Variants in ATXN7 observed in about 807,000 individuals in gnomAD.
ATXN7 encodes ataxin 7.
A neutral mutation model predicts 70.5 loss-of-function variants in ATXN7; 12 were observed. The observed-to-expected ratio is 0.17, with a 90% CI of 0.11 to 0.28. The LOEUF (loss-of-function observed/expected upper bound fraction) is 0.28. ATXN7 is among the 10% of genes least tolerant of loss of function. The pLI is 1.00. For missense variants in ATXN7, 1,256 were observed against 1,131.7 expected (o/e 1.11, Z -1.58); for synonymous variants, 498 against 448.7 (o/e 1.11, Z -1.39).
At chr3:63,990,963 A>G in intron 11 of ATXN7, 104 bp downstream of exon 11, 2 of 1,563,270 alleles carry the variant, frequency 1.3e-6, no homozygotes, top group South Asian at 1.1e-5. Flanking sequence ...TATCTAAACA[A>G]AACTGGCCTT....
chr3:63,919,250 CA>C (rs1232867017), intron 4 of ATXN7, among the ~76,000 whole-genome samples: 1 of 152,196 alleles, frequency 6.6e-6, no homozygotes, highest in East Asian at 1.9e-4. Flanking sequence ...CTGCTTGCTG[CA>C]TACAGTGAAC....
At chr3:63,863,321 A>C (rs1028804662), upstream of ATXN7, 1 of 528,520 alleles carries the variant, frequency 1.9e-6, no homozygotes, top group Non-Finnish European at 2.4e-6. Context: ...CCAGACCTCC[A>C]CAAACCTTCC....
intron 4 of ATXN7, among the ~76,000 whole-genome samples, chr3:63,924,941 TC>T (rs1704658679): frequency 6.6e-6 from 1 of 152,190 alleles, no homozygotes; most frequent in African/African-American, 2.4e-5. Context: ...CTGGGAATGA[TC>T]CAAGAGTAAG....
intron 1 of ATXN7, among the ~76,000 whole-genome samples, chr3:63,888,456 A>G (rs1703153196): frequency 6.6e-6 from 1 of 152,176 alleles, no homozygotes; most frequent in South Asian, 2.1e-4. Context: ...AATCACTACC[A>G]CAATCAAGAT....
At chr3:63,919,303 A>C (rs1158710641) in intron 4 of ATXN7, among the ~76,000 whole-genome samples, 2 of 152,122 alleles carry the variant, frequency 1.3e-5, no homozygotes, top group Admixed American at 1.3e-4. Context: ...ATGACCCACC[A>C]ATCCCAAAAC....
intron 4 of ATXN7, 49 bp downstream of exon 4, chr3:63,913,274 C>A: frequency 6.4e-7 from 1 of 1,559,382 alleles, no homozygotes. Context: ...TGGGAAGTTT[C>A]ATTGACAGTT....
chr3:63,873,200 A>G (rs183702977), intron 1 of ATXN7, among the ~76,000 whole-genome samples: 1 of 152,316 alleles, frequency 6.6e-6, no homozygotes, highest in Admixed American at 6.5e-5. Context: ...CAATTCTTCT[A>G]GACACAGTAT....
intron 4 of ATXN7, among the ~76,000 whole-genome samples, chr3:63,944,089 G>C (rs1002849029): frequency 3.9e-5 from 6 of 152,158 alleles, no homozygotes; most frequent in Non-Finnish European, 5.9e-5. Flanking sequence ...AGCAGTAGGA[G>C]CACAAGACCA....
intron 5 of ATXN7, among the ~76,000 whole-genome samples, chr3:63,968,643 G>A (rs1380902829): frequency 6.6e-6 from 1 of 152,186 alleles, no homozygotes; most frequent in Non-Finnish European, 1.5e-5. Context: ...TAAATTGAGT[G>A]TATAAAAATT....
rs1553691654 is a variant in ATXN7, at chr3:63,962,908, C to CTATTT, written c.499+10426_499+10427insATTTT. 7.3e-5 allele frequency among the ~76,000 whole-genome samples: 10 copies of CTATTT among 136,340 alleles called. 1 individual carries two copies. The highest frequency in any genetic ancestry group is 6.4e-5 in the Non-Finnish European group (4 of 62,920). 89.4% of individuals were successfully genotyped at this position (136,340 alleles called of 152,430 possible). A position where few individuals can be genotyped will look rare whatever the true frequency, so the allele number is the denominator to read the frequency against. On this transcript the variant is annotated intron_variant, in intron 5 of 12. Coordinates refer to ENST00000674280, the MANE Select transcript of ATXN7 (RefSeq NM_001377405.1). ...GATGTAATACCAGAATTTTGTATTT[C>CTATTT]TTTTTTTTTTTTTTTTTTCTTCTTC... is the stretch of plus-strand genomic sequence containing the variant.
intron 4 of ATXN7, among the ~76,000 whole-genome samples, chr3:63,936,943 A>G (rs2074672841): frequency 6.6e-6 from 1 of 152,224 alleles, no homozygotes; most frequent in African/African-American, 2.4e-5. Context: ...ATCATTTTCA[A>G]ATGACCACAA....
At chr3:63,871,579 A>G (rs1702591842) in intron 1 of ATXN7, among the ~76,000 whole-genome samples, 1 of 152,176 alleles carries the variant, frequency 6.6e-6, no homozygotes, top group Non-Finnish European at 1.5e-5. Flanking sequence ...ATACCTATGG[A>G]TAGGGGATTA....
rs572625649 is a variant in ATXN7 at position 63,978,133 on chromosome 3, A to G, written c.500-1782A>G. Among the ~76,000 whole-genome samples the G allele has an allele frequency of 6.6e-5, 10 of 152,312 alleles. 1 individual carries two copies. The East Asian group carries it at 1.2e-3, about 18-fold the overall frequency. On this transcript the variant is annotated intron_variant, in intron 5 of 12. Coordinates refer to ENST00000674280, the MANE Select transcript of ATXN7 (RefSeq NM_001377405.1). ...AACCGTGGCTGCACAGTAGAATCAGACAGGGAAACTTGTCAAAAATCTGGA... is the reference window on the plus strand; with the variant it reads ...AACCGTGGCTGCACAGTAGAATCAGGCAGGGAAACTTGTCAAAAATCTGGA...
chr3:63,970,569 A>G (rs1264143467), intron 5 of ATXN7, among the ~76,000 whole-genome samples: 2 of 152,334 alleles, frequency 1.3e-5, no homozygotes, highest in East Asian at 1.9e-4. Flanking sequence ...TAGGCAGGGA[A>G]GGAGTATCCC....
intron 2 of ATXN7, chr3:63,903,594 T>C (rs1282028718): frequency 1.3e-5 from 2 of 152,186 alleles, no homozygotes; most frequent in Admixed American, 1.3e-4. Flanking sequence ...AATGTGAAAG[T>C]AGCTAACACA....
intron 4 of ATXN7, among the ~76,000 whole-genome samples, chr3:63,923,226 A>G (rs1429243353): frequency 6.6e-6 from 1 of 152,230 alleles, no homozygotes; most frequent in Non-Finnish European, 1.5e-5. Flanking sequence ...ACTCCACAGA[A>G]GGTGAGAAAG....
intron 10 of ATXN7, 38 bp downstream of exon 10, chr3:63,990,412 C>T (rs1239092066): frequency 1.2e-6 from 2 of 1,610,004 alleles, no homozygotes; most frequent in Non-Finnish European, 1.7e-6. Context: ...ACCCTCCCCA[C>T]ACAGCATGGA....
rs960759221 is a variant in ATXN7, at chr3:63,997,734, A to G, written c.2661+1251A>G. The G allele has an allele frequency of 3.2e-6, 5 of 1,546,032 alleles. No individual in the cohort carries two copies. The Admixed American group carries it at 6.0e-5, about 19-fold the overall frequency. On this transcript the variant is annotated intron_variant, in intron 12 of 12. Coordinates refer to ENST00000674280, the MANE Select transcript of ATXN7 (RefSeq NM_001377405.1). ...TTTTTTCCCCTTCCTCGTCTTCAGAACTTAACTCAAATGCCAGCCGGGTTA... is the reference window on the plus strand; with the variant it reads ...TTTTTTCCCCTTCCTCGTCTTCAGAGCTTAACTCAAATGCCAGCCGGGTTA...
intron 1 of ATXN7, among the ~76,000 whole-genome samples, chr3:63,880,766 C>T (rs944682958): frequency 6.6e-6 from 1 of 152,178 alleles, no homozygotes; most frequent in Non-Finnish European, 1.5e-5. Context: ...CTTTAAAACC[C>T]TGTGTATTCA....
Sources: allele counts gnomAD v4.1 joint callset (sites outside exome capture counted in the v4.1 genomes callset), GRCh38; gene constraint gnomAD v4.1.1; transcripts MANE v1.5; gene names NCBI Gene and HGNC (gene_info 2026-07-23, HGNC 2026-07-21).